Variants in SLC8A1 observed in about 807,000 individuals in gnomAD.
The protein encoded by SLC8A1 is solute carrier family 8 member A1, also known as sodium/calcium exchanger 1.
In SLC8A1, 18 loss-of-function variants were observed where a neutral mutation model predicts 68.3. The observed-to-expected ratio is 0.26, with a 90% CI of 0.18 to 0.39. SLC8A1 has a LOEUF of 0.39. SLC8A1 is among the 10% of genes least tolerant of loss of function. The pLI is 1.00. For missense variants in SLC8A1, 985 were observed against 1,156.7 expected, an observed-to-expected ratio of 0.85 and a Z score of 2.15; for synonymous variants, 475 against 415.5, an observed-to-expected ratio of 1.14 and a Z score of -1.74.
chr2:40,274,320 A>C (rs538119865), intron 2 of SLC8A1, among the ~76,000 whole-genome samples: 1 of 151,924 alleles, frequency 6.6e-6, no homozygotes, highest in South Asian at 2.1e-4. Context: ...AAATAAACAC[A>C]TAATTTCTGG....
At chr2:40,145,353 C>T (rs1324945690) in intron 6 of SLC8A1, among the ~76,000 whole-genome samples, 2 of 152,118 alleles carry the variant, frequency 1.3e-5, no homozygotes, top group Non-Finnish European at 2.9e-5. Flanking sequence ...GTCAACCATC[C>T]AGTTCTGAAT....
At chr2:40,192,660 A>G (rs1376645435) in intron 2 of SLC8A1, among the ~76,000 whole-genome samples, 1 of 152,122 alleles carries the variant, frequency 6.6e-6, no homozygotes, top group Non-Finnish European at 1.5e-5. Context: ...TAGGCCAGGA[A>G]ACTCTTAGAA....
chr2:40,357,784 T>G (rs1299534408), intron 2 of SLC8A1, among the ~76,000 whole-genome samples: 2 of 152,148 alleles, frequency 1.3e-5, no homozygotes, highest in Non-Finnish European at 2.9e-5. Flanking sequence ...AAGCCCTAGC[T>G]TATACGACAT....
chr2:40,447,738 A>G (rs2149857405), intron 1 of SLC8A1, among the ~76,000 whole-genome samples: 2 of 152,318 alleles, frequency 1.3e-5, no homozygotes, highest in South Asian at 4.1e-4. Context: ...AAAGTTTCAG[A>G]TACTATTTTG....
chr2:40,191,138 TAAACTAC>T (rs2051739151), intron 2 of SLC8A1, among the ~76,000 whole-genome samples: 1 of 152,132 alleles, frequency 6.6e-6, no homozygotes, highest in African/African-American at 2.4e-5. Context: ...AAATATAGTA[TAAACTAC>T]AAAGTAAAAG....
At chr2:40,201,877 G>T (rs988218979) in intron 2 of SLC8A1, among the ~76,000 whole-genome samples, 1 of 151,922 alleles carries the variant, frequency 6.6e-6, no homozygotes, top group African/African-American at 2.4e-5. Flanking sequence ...GAGGAGTTAA[G>T]ATTTTCTCAG....
At chr2:40,384,153 G>T (rs1373707006) in intron 2 of SLC8A1, among the ~76,000 whole-genome samples, 1 of 151,806 alleles carries the variant, frequency 6.6e-6, no homozygotes, top group African/African-American at 2.4e-5. Flanking sequence ...CTACTCAGGA[G>T]GCTGACACAT....
chr2:40,407,501 C>A (rs1690742287), intron 2 of SLC8A1, among the ~76,000 whole-genome samples: 1 of 152,280 alleles, frequency 6.6e-6, no homozygotes, highest in Admixed American at 6.5e-5. Flanking sequence ...CTGCCTTTTG[C>A]CTGTGTCCAT....
intron 2 of SLC8A1, among the ~76,000 whole-genome samples, chr2:40,312,336 A>G (rs1024387535): frequency 2.0e-4 from 30 of 152,086 alleles, no homozygotes; most frequent in Admixed American, 1.5e-3. Context: ...GGTCATCGTG[A>G]TGCGCAACTG....
At chr2:40,357,471 T>C (rs1307908280) in intron 2 of SLC8A1, among the ~76,000 whole-genome samples, 3 of 135,558 alleles carry the variant, frequency 2.2e-5, no homozygotes. Context: ...CATGCCGGCC[T>C]GGGCAACAGA....
chr2:40,495,822 C>T (rs1335462850), intron 1 of SLC8A1, among the ~76,000 whole-genome samples: 1 of 152,028 alleles, frequency 6.6e-6, no homozygotes, highest in Admixed American at 6.6e-5. Context: ...AGTCTCCAGG[C>T]ACTGAAAGTG....
At chr2:40,148,839 C>G (rs1026945822) in intron 6 of SLC8A1, among the ~76,000 whole-genome samples, 2 of 152,192 alleles carry the variant, frequency 1.3e-5, no homozygotes, top group South Asian at 4.1e-4. Context: ...TGGTGGAATT[C>G]AGATGGAGCA....
chr2:40,173,391 T>A (rs2047899731), intron 4 of SLC8A1, among the ~76,000 whole-genome samples: 1 of 152,168 alleles, frequency 6.6e-6, no homozygotes, highest in South Asian at 2.1e-4. Flanking sequence ...TGAATCAGAT[T>A]TAAGAAATCC....
At chr2:40,354,767 T>C (rs975231017) in intron 2 of SLC8A1, among the ~76,000 whole-genome samples, 12 of 152,218 alleles carry the variant, frequency 7.9e-5, no homozygotes, top group Non-Finnish European at 1.8e-4. Context: ...GAAAAAGTTC[T>C]CACATTTGAC....
intron 2 of SLC8A1, among the ~76,000 whole-genome samples, chr2:40,230,990 G>T (rs1013256823): frequency 6.6e-6 from 1 of 152,160 alleles, no homozygotes; most frequent in East Asian, 1.9e-4. Flanking sequence ...TCATCAAACC[G>T]AGTGGTAAGT....
intron 2 of SLC8A1, among the ~76,000 whole-genome samples, chr2:40,372,385 C>T (rs1678380497): frequency 6.6e-6 from 1 of 152,032 alleles, no homozygotes; most frequent in Non-Finnish European, 1.5e-5. Flanking sequence ...ATCAACTTTA[C>T]ACAAGTACAC....
At chr2:40,328,834 T>C (rs748468439) in intron 2 of SLC8A1, among the ~76,000 whole-genome samples, 6 of 152,128 alleles carry the variant, frequency 3.9e-5, no homozygotes, top group Non-Finnish European at 5.9e-5. Context: ...GGCTCCCCCA[T>C]CTGATCTGCT....
intron 1 of SLC8A1, among the ~76,000 whole-genome samples, chr2:40,432,803 G>T (rs920885549): frequency 2.6e-5 from 4 of 152,052 alleles, no homozygotes; most frequent in African/African-American, 7.2e-5. Flanking sequence ...CTCTCTGCTG[G>T]TTCAGTGCAG....
intron 2 of SLC8A1, among the ~76,000 whole-genome samples, chr2:40,186,861 TATC>T (rs1169167988): frequency 6.6e-6 from 1 of 152,234 alleles, no homozygotes; most frequent in African/African-American, 2.4e-5. Context: ...AAATAATGGT[TATC>T]ATCATTTATC....
Sources: gnomAD v4.1 joint callset for allele counts (sites outside exome capture counted in the v4.1 genomes callset) on GRCh38, gnomAD v4.1.1 for gene constraint, MANE v1.5 for transcripts, NCBI Gene and HGNC (gene_info 2026-07-23, HGNC 2026-07-21) for gene names.